The following F9 variants were observed in gnomAD, a reference collection of about 807,000 sequenced individuals.
The protein encoded by F9 is coagulation factor IX, also known as Christmas factor.
F9 carries 2 observed loss-of-function variants against 34.1 expected under a neutral mutation model. That is an observed-to-expected ratio of 0.06 (90% CI 0.02 to 0.18). The LOEUF (loss-of-function observed/expected upper bound fraction) is 0.18, where lower values mean the gene tolerates loss of function less well. Among genes scored for constraint, F9 ranks in the 10% least tolerant of loss-of-function variants. The probability of loss-of-function intolerance (pLI) is 1.00; values close to 1 mark genes in which losing one functional copy is unlikely to be tolerated. For synonymous variants in F9, 137 were observed against 118.8 expected (o/e 1.15, Z -1.00); for missense variants, 216 against 345.1 (o/e 0.63, Z 2.96).
chrX:139,532,726 C>A (rs893289523), intron 1 of F9, among the ~76,000 whole-genome samples: 2 of 111,749 alleles, frequency 1.8e-5, no homozygotes, highest in African/African-American at 6.5e-5. Context: ...GATGAGTAGG[C>A]GTTCTCTCTC....
chrX:139,556,770 G>A (rs781032305), intron 6 of F9, among the ~76,000 whole-genome samples: 16 of 112,304 alleles, frequency 1.4e-4, no homozygotes, highest in African/African-American at 4.5e-4. Flanking sequence ...AAACCAAAGT[G>A]AGCATCCCAT....
rs1036617877 is a variant in F9, at chrX:139,562,732, T to C, written c.*661T>C. The stretch of plus-strand genomic sequence containing the variant: ...TTATACTTCTGTACACAGTTATACA[T>C]GTCTATCAAACCCAGACTTGCTTCC... On this transcript the variant is annotated 3_prime_UTR_variant, in exon 8 of 8. Coordinates refer to ENST00000218099, the MANE Select transcript of F9 (RefSeq NM_000133.4). 3 of 109,465 alleles carry C rather than the reference T, an allele frequency of 2.7e-5. No homozygotes were observed. Among genetic ancestry groups the C allele is most frequent in the African/African-American group, 1.0e-4 (3 of 30,103 alleles). 9.0% of individuals were successfully genotyped at this position (109,465 alleles called of 1,213,427 possible).
intron 7 of F9, 96 bp from the exon 8 acceptor site, chrX:139,561,428 C>A: frequency 1.3e-6 from 1 of 747,781 alleles, no homozygotes; most frequent in East Asian, 3.2e-5. Flanking sequence ...AGATCTTTAA[C>A]ATTGCCAATT....
At chrX:139,541,252 G>A (rs1006574764) in intron 4 of F9, 63 bp downstream of exon 4, 1 of 769,299 alleles carries the variant, frequency 1.3e-6, no homozygotes, top group Non-Finnish European at 1.9e-6. Flanking sequence ...GTTGAAACTG[G>A]AAAATGCAAT....
At chrX:139,559,042 A>G (rs1928035819) in intron 6 of F9, among the ~76,000 whole-genome samples, 1 of 112,043 alleles carries the variant, frequency 8.9e-6, no homozygotes, top group Non-Finnish European at 1.9e-5. Context: ...TAGCTCATGC[A>G]TCTATAAATA....
chrX:139,536,244 T>C (rs1176947686), intron 1 of F9, among the ~76,000 whole-genome samples: 1 of 106,722 alleles, frequency 9.4e-6, no homozygotes, highest in African/African-American at 3.4e-5. Flanking sequence ...TATATGTATA[T>C]ATATGTACAC....
chrX:139,550,544 A>G (rs999132179), intron 5 of F9, among the ~76,000 whole-genome samples: 1 of 111,756 alleles, frequency 8.9e-6, no homozygotes, highest in African/African-American at 3.3e-5. Flanking sequence ...TTGAAGCCCA[A>G]ATAATTGAAT....
At chrX:139,559,194 G>A (rs950585121) in intron 6 of F9, among the ~76,000 whole-genome samples, 8 of 112,549 alleles carry the variant, frequency 7.1e-5, no homozygotes, top group Non-Finnish European at 1.5e-4. Context: ...GCACACTGGT[G>A]TTTATTATAT....
chrX:139,551,409 G>T, intron 6 of F9, 145 bp downstream of exon 6: 1 of 546,076 alleles, frequency 1.8e-6, no homozygotes, highest in Non-Finnish European at 3.2e-6. Flanking sequence ...ATGTGAGAAG[G>T]CCTCCAGAGA....
chrX:139,562,484 G>A lies in F9; in HGVS notation c.*413G>A, dbSNP rs1427445223. On this transcript the variant is annotated 3_prime_UTR_variant, in exon 8 of 8. Coordinates refer to ENST00000218099, the MANE Select transcript of F9 (RefSeq NM_000133.4). ...TTCTGTATACAGTACAGGATCTTTGGTCTACTCTATCACAAGGCCAGTACC... is the reference window on the plus strand; with the variant it reads ...TTCTGTATACAGTACAGGATCTTTGATCTACTCTATCACAAGGCCAGTACC... 6.5e-6 allele frequency: 1 copy of A among 154,180 alleles called. No individual in the cohort carries two copies. Among genetic ancestry groups the A allele is most frequent in the Non-Finnish European group, 1.2e-5 (1 of 80,722 alleles). The allele number at this position is 154,180 out of a possible 1,213,427, so 12.7% of individuals were successfully genotyped here.
At chrX:139,552,793 A>G (rs746622871) in intron 6 of F9, among the ~76,000 whole-genome samples, 67 of 112,382 alleles carry the variant, frequency 6.0e-4, no homozygotes, top group African/African-American at 2.1e-3. Flanking sequence ...TAGTAATTTC[A>G]TGGATTTCTC....
chrX:139,539,471 G>T (rs1423789957), intron 3 of F9, among the ~76,000 whole-genome samples: 1 of 112,170 alleles, frequency 8.9e-6, no homozygotes, highest in Non-Finnish European at 1.9e-5. Context: ...GTCTCTTGTT[G>T]TATTTGACCC....
intron 6 of F9, among the ~76,000 whole-genome samples, chrX:139,552,024 TA>T (rs4149714): frequency 0.038 from 4,203 of 110,704 alleles, 219 homozygotes; most frequent in African/African-American, 0.13. Context: ...ACCCCACCTC[TA>T]ATTAAAAAAA....
rs757166711 is a variant in F9, at chrX:139,562,106, T to C, written c.*35T>C. 3.5e-6 allele frequency: 4 copies of C among 1,149,809 alleles called. No individual in the cohort carries two copies. Among genetic ancestry groups the C allele is most frequent in the South Asian group, 1.8e-5 (1 of 55,199 alleles). The allele number at this position is 1,149,809 out of a possible 1,213,427, so 94.8% of individuals were successfully genotyped here. ...GATTTCCAAGGTTAATTCATTGGAA[T>C]TGAAAATTAACAGGGCCTCTCACTA... On this transcript the variant is annotated 3_prime_UTR_variant, in exon 8 of 8. Coordinates refer to ENST00000218099, the MANE Select transcript of F9 (RefSeq NM_000133.4).
At chrX:139,554,094 A>G (rs1432097685) in intron 6 of F9, among the ~76,000 whole-genome samples, 1 of 110,497 alleles carries the variant, frequency 9.1e-6, no homozygotes, top group African/African-American at 3.3e-5. Context: ...TTTTCTTTTC[A>G]AGCAGAAAAG....
intron 6 of F9, among the ~76,000 whole-genome samples, chrX:139,554,111 A>T (rs1349376061): frequency 9.0e-6 from 1 of 110,681 alleles, no homozygotes; most frequent in Non-Finnish European, 1.9e-5. Context: ...AAAGACTATG[A>T]GATGGTGGTT....
chrX:139,530,779 C>T lies in F9; in HGVS notation c.15C>T (p.Asn5=), dbSNP rs1281720529. ...TAGCAAAGGTTATGCAGCGCGTGAA[C>T]ATGATCATGGCAGAATCACCAGGCC... The part of the protein sequence containing the change: MQRV[N]MIMAESPGLI... The change falls in exon 1 of 8, where the codon AAC becomes AAT. Residue 5 remains asparagine, a synonymous_variant. Transcript: ENST00000218099. 1 of 1,210,848 alleles carries T rather than the reference C, an allele frequency of 8.3e-7. No individual in the cohort carries two copies. The highest frequency in any genetic ancestry group is 1.7e-5 in the African/African-American group (1 of 57,887).
At chrX:139,544,243 T>C (rs1927665064) in intron 4 of F9, among the ~76,000 whole-genome samples, 1 of 111,902 alleles carries the variant, frequency 8.9e-6, no homozygotes, top group Admixed American at 9.5e-5. Context: ...CTACAGGTAA[T>C]GTTTGATTTG....
chrX:139,546,948 G>A (rs4149707), intron 4 of F9, among the ~76,000 whole-genome samples: 4,140 of 111,561 alleles, frequency 0.037, 203 homozygotes, highest in African/African-American at 0.13. Flanking sequence ...AGGTCGGGCA[G>A]GATTCATAAG....
Sources: gnomAD v4.1 joint callset for allele counts (sites outside exome capture counted in the v4.1 genomes callset) on GRCh38, gnomAD v4.1.1 for gene constraint, MANE v1.5 for transcripts, NCBI Gene and HGNC (gene_info 2026-07-23, HGNC 2026-07-21) for gene names.